PALM2AKAP2: variants seen among roughly 807,000 people sequenced by gnomAD.
The protein encoded by PALM2AKAP2 is PALM2 and AKAP2 fusion.
Under a neutral mutation model 71.5 loss-of-function variants are expected in PALM2AKAP2, and 37 were observed. That is an observed-to-expected ratio of 0.52 (90% confidence interval 0.40 to 0.68). The LOEUF (loss-of-function observed/expected upper bound fraction) is 0.68. Among genes scored for constraint, PALM2AKAP2 ranks in the 30% least tolerant of loss-of-function variants. PALM2AKAP2 has a pLI of 0.00. For missense variants in PALM2AKAP2, 1,224 were observed against 1,191.8 expected (o/e 1.03, Z -0.40); for synonymous variants, 468 against 478.8 (o/e 0.98, Z 0.29).
intron 2 of PALM2AKAP2, among the ~76,000 whole-genome samples, chr9:110,142,380 A>T (rs1836057073): frequency 6.6e-6 from 1 of 152,200 alleles, no homozygotes; most frequent in African/African-American, 2.4e-5. Context: ...GGCATGAGCC[A>T]CTGCACCTGG....
At chr9:109,836,791 C>T (rs1325280529) in intron 1 of PALM2AKAP2, among the ~76,000 whole-genome samples, 3 of 151,658 alleles carry the variant, frequency 2.0e-5, no homozygotes, top group East Asian at 1.9e-4. Flanking sequence ...GATGGAAGAT[C>T]GAATGAATGA....
At chr9:109,856,708 G>A (rs1356740747) in intron 1 of PALM2AKAP2, among the ~76,000 whole-genome samples, 3 of 152,076 alleles carry the variant, frequency 2.0e-5, no homozygotes, top group Admixed American at 2.0e-4. Context: ...GACAATTGGT[G>A]TTTCCTTCTT....
At chr9:109,984,399 T>G (rs2132209854) in intron 6 of PALM2AKAP2, among the ~76,000 whole-genome samples, 1 of 152,292 alleles carries the variant, frequency 6.6e-6, no homozygotes, top group South Asian at 2.1e-4. Flanking sequence ...GACTCTTGCC[T>G]ATAATCCCAG....
intron 1 of PALM2AKAP2, among the ~76,000 whole-genome samples, chr9:109,657,452 T>TTTTGTGTGTGTGTG (rs112474230): frequency 4.1e-5 from 6 of 147,216 alleles, no homozygotes; most frequent in African/African-American, 1.5e-4. Flanking sequence ...AATATGGTAT[T>TTTTGTGTGTGTGTG]TGTGTGTGTG....
chr9:110,090,447 T>C, intron 1 of PALM2AKAP2: 1 of 456,718 alleles, frequency 2.2e-6, no homozygotes, highest in South Asian at 1.5e-5. Context: ...CTGTGGACTT[T>C]TGCTTGCTGC....
exon 4 of PALM2AKAP2, chr9:110,169,457 A>G (rs1031763670): frequency 2.0e-4 from 31 of 152,334 alleles, no homozygotes; most frequent in African/African-American, 7.2e-4. Context: ...GGTAGATGAT[A>G]AGAAATAAAA....
intron 3 of PALM2AKAP2, among the ~76,000 whole-genome samples, chr9:109,893,702 C>A (rs540193970): frequency 6.6e-6 from 1 of 152,278 alleles, no homozygotes; most frequent in East Asian, 1.9e-4. Flanking sequence ...TCTACCTCAG[C>A]CTCCCAAAGT....
At chr9:110,028,055 G>A (rs1215453401) in intron 7 of PALM2AKAP2, among the ~76,000 whole-genome samples, 1 of 152,188 alleles carries the variant, frequency 6.6e-6, no homozygotes, top group Non-Finnish European at 1.5e-5. Context: ...TCAGGGTAGT[G>A]GATCTCAGAG....
At chr9:110,138,389 A>T in exon 2 of PALM2AKAP2, 1 of 1,614,254 alleles carries the variant, frequency 6.2e-7, no homozygotes, top group Non-Finnish European at 8.5e-7. Context: ...GAAACAGCGG[A>T]CTTTGTCCAT....
chr9:109,921,355 G>A (rs117069683), intron 3 of PALM2AKAP2, among the ~76,000 whole-genome samples: 215 of 152,192 alleles, frequency 1.4e-3, no homozygotes, highest in Admixed American at 3.7e-3. Context: ...GGTGCCATCC[G>A]GTGCACTGTG....
chr9:110,136,338 A>G (rs1386611703), exon 2 of PALM2AKAP2: 1 of 1,614,198 alleles, frequency 6.2e-7, no homozygotes, highest in Non-Finnish European at 8.5e-7. Context: ...TCACCCCCGC[A>G]TAATGGCCTC....
intron 1 of PALM2AKAP2, among the ~76,000 whole-genome samples, chr9:109,840,565 T>C (rs1002378284): frequency 1.3e-5 from 2 of 152,118 alleles, no homozygotes; most frequent in African/African-American, 4.8e-5. Context: ...GAAACTACCA[T>C]CAGAGTGAAC....
intron 1 of PALM2AKAP2, among the ~76,000 whole-genome samples, chr9:109,654,216 G>C (rs1827264080): frequency 6.6e-6 from 1 of 152,110 alleles, no homozygotes; most frequent in Non-Finnish European, 1.5e-5. Context: ...TGATTATATG[G>C]ATATAATATG....
intron 1 of PALM2AKAP2, among the ~76,000 whole-genome samples, chr9:110,135,167 ATATAAAT>A (rs1835826972): frequency 1.9e-5 from 1 of 53,634 alleles, no homozygotes; most frequent in African/African-American, 6.3e-5. Context: ...AAAAAAAAAT[ATATAAAT>A]ATATATATAT....
rs1479159522 is a variant in PALM2AKAP2 at position 110,144,619 on chromosome 9, C to A, written c.2569+6080C>A. Among the ~76,000 whole-genome samples, 33 of 152,094 alleles carry A rather than the reference C, an allele frequency of 2.2e-4. 1 individual carries two copies. The highest frequency in any genetic ancestry group is 2.2e-3 in the Admixed American group (33 of 15,272). On this transcript the variant is annotated intron_variant, in intron 2 of 3. Coordinates refer to ENST00000374525, the Ensembl canonical transcript of PALM2AKAP2. ...TTAGAAAAGTAATACAATGAACATA[C>A]TATTATTTAACACAACTGGCAGGTT...
intron 1 of PALM2AKAP2, among the ~76,000 whole-genome samples, chr9:109,722,336 C>A (rs140195126): frequency 6.6e-6 from 1 of 152,128 alleles, no homozygotes; most frequent in Non-Finnish European, 1.5e-5. Context: ...CTTAATATCC[C>A]TGGAAGCATA....
intron 3 of PALM2AKAP2, among the ~76,000 whole-genome samples, chr9:109,881,883 T>C (rs889105252): frequency 1.5e-5 from 1 of 68,172 alleles, no homozygotes; most frequent in Admixed American, 1.2e-4. Context: ...GCTCTTTTTT[T>C]TTTTTTTTTT....
chr9:110,084,241 A>C (rs1377643887), intron 1 of PALM2AKAP2, among the ~76,000 whole-genome samples: 1 of 152,206 alleles, frequency 6.6e-6, no homozygotes, highest in Non-Finnish European at 1.5e-5. Flanking sequence ...AGGAAAACTG[A>C]CCATCATTCA....
intron 6 of PALM2AKAP2, among the ~76,000 whole-genome samples, chr9:109,955,824 C>A (rs1457493278): frequency 6.6e-6 from 1 of 151,862 alleles, no homozygotes; most frequent in African/African-American, 2.4e-5. Flanking sequence ...GTGGTCCCAG[C>A]TATTCAGGAG....
Sources: allele counts gnomAD v4.1 joint callset (sites outside exome capture counted in the v4.1 genomes callset), GRCh38; gene constraint gnomAD v4.1.1; transcripts MANE v1.5; gene names NCBI Gene and HGNC (gene_info 2026-07-23, HGNC 2026-07-21).